Variants in LDLRAD4 observed in about 807,000 individuals in gnomAD.
LDLRAD4 encodes the protein low-density lipoprotein receptor class A domain-containing protein 4.
LDLRAD4 carries 5 observed loss-of-function variants against 17.0 expected under a neutral mutation model. That is an observed-to-expected ratio of 0.29 (90% CI 0.15 to 0.62). The LOEUF (loss-of-function observed/expected upper bound fraction) is 0.62. LDLRAD4 is among the 20% of genes least tolerant of loss of function. The pLI is 0.84. For missense variants in LDLRAD4, 340 were observed against 424.7 expected (o/e 0.80, Z 1.75); for synonymous variants, 168 against 171.8 (o/e 0.98, Z 0.17).
chr18:13,505,162 T>C lies in LDLRAD4; in HGVS notation c.181+66778T>C, dbSNP rs151193025. Among the ~76,000 whole-genome samples, 129 of 152,328 alleles carry C rather than the reference T, an allele frequency of 8.5e-4. 3 individuals are homozygous for C. Among genetic ancestry groups the C allele is most frequent in the South Asian group, 5.0e-3 (24 of 4,828 alleles). On this transcript the variant is annotated intron_variant, in intron 3 of 5. Transcript: ENST00000359446. The stretch of plus-strand genomic sequence containing the variant: ...CTTAATTCCCCTAGGCAGTAGGAGC[T>C]GGTTACCCACAAGCGAAGCCTCAGT...
exon 2 of LDLRAD4, chr18:13,387,758 C>T (rs780250804): frequency 6.2e-6 from 10 of 1,613,784 alleles, no homozygotes; most frequent in Non-Finnish European, 7.6e-6. Flanking sequence ...CAAATGCTTT[C>T]ACAGGTGAGC....
intron 2 of LDLRAD4, among the ~76,000 whole-genome samples, chr18:13,396,527 AGGCTGGAATGCAGT>A (rs2086710600): frequency 6.6e-6 from 1 of 152,242 alleles, no homozygotes; most frequent in African/African-American, 2.4e-5. Context: ...TGTGTCACCC[AGGCTGGAATGCAGT>A]GGCGCCATCG....
intron 1 of LDLRAD4, among the ~76,000 whole-genome samples, chr18:13,328,032 C>T (rs2081627726): frequency 6.6e-6 from 1 of 152,186 alleles, no homozygotes; most frequent in African/African-American, 2.4e-5. Flanking sequence ...CGCTGACCAC[C>T]ATCAGGCTCT....
chr18:13,612,514 G>C (rs1233302002), intron 3 of LDLRAD4: 12 of 1,418,432 alleles, frequency 8.5e-6, no homozygotes, highest in Non-Finnish European at 1.1e-5. Flanking sequence ...TGATACAGTA[G>C]AGAGAGAGTG....
At position 13,421,957 on chromosome 18, in the gene LDLRAD4, G is replaced by A. The variant is rs183772878; in HGVS notation, c.41-16287G>A. 1.9e-3 allele frequency among the ~76,000 whole-genome samples: 284 copies of A among 152,344 alleles called. 1 individual carries two copies. The highest frequency in any genetic ancestry group is 0.01 in the Middle Eastern group (3 of 294). ...CACTGACTCCTTAGACCTGTGCCTA[G>A]TCTCCTACTGAAGGGCTACCCCATG... is the stretch of plus-strand genomic sequence containing the variant. On this transcript the variant is annotated intron_variant, in intron 2 of 5. Transcript: ENST00000359446.
At chr18:13,477,687 G>T (rs1330192734) in intron 3 of LDLRAD4, among the ~76,000 whole-genome samples, 1 of 152,220 alleles carries the variant, frequency 6.6e-6, no homozygotes, top group African/African-American at 2.4e-5. Flanking sequence ...GAGCAAAGAA[G>T]TGAGCCCAGG....
At chr18:13,392,547 G>C (rs1161789514) in intron 2 of LDLRAD4, among the ~76,000 whole-genome samples, 1 of 152,186 alleles carries the variant, frequency 6.6e-6, no homozygotes, top group Non-Finnish European at 1.5e-5. Context: ...CTCTGTCCCA[G>C]GTGCCGTCAT....
chr18:13,602,252 C>G (rs1481326583), intron 3 of LDLRAD4, among the ~76,000 whole-genome samples: 1 of 152,026 alleles, frequency 6.6e-6, no homozygotes, highest in Non-Finnish European at 1.5e-5. Flanking sequence ...AAGCACAAGC[C>G]CCAGCAGCAT....
chr18:13,652,432 C>A (rs1305094371), exon 6 of LDLRAD4: 1 of 152,434 alleles, frequency 6.6e-6, no homozygotes, highest in Non-Finnish European at 1.5e-5. Context: ...TAAAAAAGTA[C>A]AACTGTATTT....
chr18:13,451,790 C>T (rs2091851875), intron 3 of LDLRAD4, among the ~76,000 whole-genome samples: 1 of 152,170 alleles, frequency 6.6e-6, no homozygotes, highest in Admixed American at 6.5e-5. Context: ...GTCTCTTTCC[C>T]ATGGGCATGA....
At chr18:13,308,281 T>TG (rs1187585802) in intron 1 of LDLRAD4, among the ~76,000 whole-genome samples, 1 of 152,234 alleles carries the variant, frequency 6.6e-6, no homozygotes, top group Admixed American at 6.5e-5. Context: ...TTAATAGACA[T>TG]GCCAGTTTAC....
At chr18:13,323,213 A>T (rs1442528028) in intron 1 of LDLRAD4, among the ~76,000 whole-genome samples, 1 of 152,218 alleles carries the variant, frequency 6.6e-6, no homozygotes, top group Non-Finnish European at 1.5e-5. Context: ...TTTTCTGCAT[A>T]CATTTCTTTT....
chr18:13,389,851 C>T (rs973086113), intron 2 of LDLRAD4, among the ~76,000 whole-genome samples: 1 of 152,166 alleles, frequency 6.6e-6, no homozygotes, highest in Non-Finnish European at 1.5e-5. Flanking sequence ...CTGGAGGATT[C>T]TTGCAGATAG....
chr18:13,644,330 G>A (rs1293619813), intron 5 of LDLRAD4, among the ~76,000 whole-genome samples: 1 of 150,078 alleles, frequency 6.7e-6, no homozygotes, highest in East Asian at 2.0e-4. Flanking sequence ...ACTTTAGGAA[G>A]CTGAGGTGGG....
chr18:13,494,156 C>T (rs768741277), intron 3 of LDLRAD4, among the ~76,000 whole-genome samples: 2 of 152,144 alleles, frequency 1.3e-5, no homozygotes, highest in Admixed American at 6.5e-5. Flanking sequence ...TCATGGTTGA[C>T]AGGTGGAAAA....
At chr18:13,314,113 C>G (rs967859348) in intron 1 of LDLRAD4, among the ~76,000 whole-genome samples, 1 of 152,094 alleles carries the variant, frequency 6.6e-6, no homozygotes, top group Non-Finnish European at 1.5e-5. Context: ...AGAAGCAACA[C>G]CTTCAAGTAA....
chr18:13,566,570 C>G (rs2094605300), intron 3 of LDLRAD4, among the ~76,000 whole-genome samples: 1 of 152,078 alleles, frequency 6.6e-6, no homozygotes, highest in Admixed American at 6.6e-5. Flanking sequence ...ACCATGTTGG[C>G]CAAGATGGTC....
At chr18:13,457,277 T>G (rs2092189976) in intron 3 of LDLRAD4, among the ~76,000 whole-genome samples, 1 of 152,212 alleles carries the variant, frequency 6.6e-6, no homozygotes, top group Non-Finnish European at 1.5e-5. Flanking sequence ...ACCAGTTTGC[T>G]CCAAGGATAT....
chr18:13,463,016 GCTTACA>G (rs1194557592), intron 3 of LDLRAD4, among the ~76,000 whole-genome samples: 1 of 152,222 alleles, frequency 6.6e-6, no homozygotes, highest in African/African-American at 2.4e-5. Context: ...GCCAGGGATG[GCTTACA>G]GGGCAAGCAG....
Sources: gnomAD v4.1 joint callset for allele counts (sites outside exome capture counted in the v4.1 genomes callset) on GRCh38, gnomAD v4.1.1 for gene constraint, MANE v1.5 for transcripts, NCBI Gene and HGNC (gene_info 2026-07-23, HGNC 2026-07-21) for gene names.